PCNP: variants seen among roughly 807,000 people sequenced by gnomAD.
PCNP encodes the protein PEST proteolytic signal containing nuclear protein.
A neutral mutation model predicts 21.8 loss-of-function variants in PCNP; 6 were observed. That is an observed-to-expected ratio of 0.28 (90% CI 0.15 to 0.54). The LOEUF (loss-of-function observed/expected upper bound fraction) is 0.54. Among genes scored for constraint, PCNP ranks in the 20% least tolerant of loss-of-function variants. The pLI is 0.95. For synonymous variants in PCNP, 67 were observed against 73.2 expected (o/e 0.92, Z 0.43); for missense variants, 161 against 215.5 (o/e 0.75, Z 1.58).
Position 101,579,779 on chromosome 3 carries a change from G to A in PCNP, c.65-11G>A, listed in dbSNP as rs773896839. 1.2e-5 allele frequency: 19 copies of A among 1,597,830 alleles called. No individual in the cohort carries two copies. In the East Asian group the frequency reaches 3.3e-4, roughly 28 times the overall value. ...ATAGCTCATCTTGGTAAGTTGTTTCGACTTCACCAGGACCTGAAGAAGAAG... is the reference window on the plus strand; with the variant it reads ...ATAGCTCATCTTGGTAAGTTGTTTCAACTTCACCAGGACCTGAAGAAGAAG... On this transcript the variant is annotated splice_polypyrimidine_tract_variant and intron_variant, in intron 1 of 4. Transcript: ENST00000265260.
rs1256757631 is a variant in PCNP at position 101,592,925 on chromosome 3, T to C, written c.*172T>C. The C allele has an allele frequency of 8.8e-6, 4 of 456,004 alleles. No individual in the cohort carries two copies. The highest frequency in any genetic ancestry group is 1.5e-5 in the Non-Finnish European group (4 of 263,134). 28.2% of individuals were successfully genotyped at this position (456,004 alleles called of 1,614,324 possible). A position where few individuals can be genotyped will look rare whatever the true frequency, so the allele number is the denominator to read the frequency against. On this transcript the variant is annotated 3_prime_UTR_variant, in exon 5 of 5. Transcript: ENST00000265260. ...AGAGTTTGAAATTAGAGGTAATTTA[T>C]GTTTTATATACAGATTTCAAGACAT...
intron 1 of PCNP, among the ~76,000 whole-genome samples, chr3:101,576,280 G>A (rs1934878918): frequency 6.7e-6 from 1 of 150,104 alleles, no homozygotes; most frequent in Admixed American, 6.6e-5. Flanking sequence ...CTGTCGCCAG[G>A]CTGGAATGCA....
At chr3:101,585,156 A>T (rs1193210920) in intron 2 of PCNP, among the ~76,000 whole-genome samples, 1 of 152,224 alleles carries the variant, frequency 6.6e-6, no homozygotes, top group African/African-American at 2.4e-5. Context: ...TCTTGCCTGT[A>T]CCAAGTACCC....
intron 1 of PCNP, among the ~76,000 whole-genome samples, chr3:101,579,214 AATG>A (rs1288227854): frequency 5.7e-4 from 87 of 152,232 alleles, no homozygotes; most frequent in Middle Eastern, 3.4e-3. Context: ...CTCAAGAGGG[AATG>A]ACCTTGAAGT....
intron 3 of PCNP, among the ~76,000 whole-genome samples, chr3:101,588,194 C>T (rs1303999270): frequency 6.6e-6 from 1 of 152,138 alleles, no homozygotes; most frequent in East Asian, 1.9e-4. Flanking sequence ...TTGGTTGAAC[C>T]CGGGGGGTGG....
At chr3:101,590,988 A>C (rs1399956304) in intron 4 of PCNP, among the ~76,000 whole-genome samples, 3 of 151,934 alleles carry the variant, frequency 2.0e-5, no homozygotes, top group Non-Finnish European at 4.4e-5. Context: ...TGTGTTGCCC[A>C]GGCTGGTCTC....
upstream of PCNP, chr3:101,574,147 A>G: frequency 6.6e-7 from 1 of 1,522,454 alleles, no homozygotes; most frequent in Non-Finnish European, 8.9e-7. Flanking sequence ...TGGCCCCAAA[A>G]ACTCGATGGT....
rs764151458 is a variant in PCNP at position 101,579,884 on chromosome 3, A to T, written c.159A>T (p.Ser53=). 53 of 1,614,056 alleles carry T rather than the reference A, an allele frequency of 3.3e-5. No individual in the cohort carries two copies. In the East Asian group the frequency reaches 4.9e-4, roughly 15 times the overall value. The change falls in exon 2 of 5, where the codon TCA becomes TCT. Residue 53 remains serine (S), a synonymous_variant. Transcript: ENST00000265260. ...ESSSRSAEKR[S]AEEEAADLPT... ...CCAGTCGCAGCGCTGAGAAGCGATC[A>T]GCTGAAGAAGAAGCTGCCGACCTCC...
At chr3:101,582,563 C>G (rs1221174503) in intron 2 of PCNP, among the ~76,000 whole-genome samples, 1 of 152,184 alleles carries the variant, frequency 6.6e-6, no homozygotes, top group Non-Finnish European at 1.5e-5. Context: ...AATCAGCCAA[C>G]AAATGCTTAT....
At chr3:101,576,458 A>G (rs528490799) in intron 1 of PCNP, 334 of 1,442,052 alleles carry the variant, frequency 2.3e-4, no homozygotes, top group Non-Finnish European at 3.0e-4. Flanking sequence ...TAGGTATATA[A>G]ACTATTTATT....
intron 2 of PCNP, among the ~76,000 whole-genome samples, chr3:101,581,937 T>C (rs1935246321): frequency 6.8e-6 from 1 of 147,338 alleles, no homozygotes; most frequent in Non-Finnish European, 1.5e-5. Context: ...ACAGGGCTTC[T>C]CCATGTTGGT....
At chr3:101,592,505 C>A in intron 4 of PCNP, 122 bp from the exon 5 acceptor site, 1 of 691,924 alleles carries the variant, frequency 1.4e-6, no homozygotes, top group Non-Finnish European at 2.4e-6. Flanking sequence ...CTCTGTAGGG[C>A]CTTCCAGTGT....
At chr3:101,586,830 G>A (rs1270747266) in intron 3 of PCNP, among the ~76,000 whole-genome samples, 1 of 152,104 alleles carries the variant, frequency 6.6e-6, no homozygotes, top group African/African-American at 2.4e-5. Context: ...GGGATTACAG[G>A]TGTGAGCCAC....
intron 3 of PCNP, chr3:101,589,613 T>C (rs1935706505): frequency 6.5e-6 from 1 of 152,710 alleles, no homozygotes; most frequent in South Asian, 2.1e-4. Flanking sequence ...GGTTTCACCA[T>C]GTTGGCCAGG....
chr3:101,577,083 C>T (rs959478264), intron 1 of PCNP: 1 of 671,654 alleles, frequency 1.5e-6, no homozygotes, highest in Non-Finnish European at 2.7e-6. Flanking sequence ...CCTCGGCCTC[C>T]CGAAGTGCTG....
In PCNP at chr3:101,579,968, G is replaced by A. The variant is rs757285774; in HGVS notation, c.243G>A (p.Lys81=). Reference sequence around the variant, plus strand: ...TTGCCATAGGTAGTCAGACGACAAAGAAAGCATCAGCCATATCCATCAAAC... The same window carrying A: ...TTGCCATAGGTAGTCAGACGACAAAAAAAGCATCAGCCATATCCATCAAAC... The part of the protein sequence containing the change: ...FGFAIGSQTT[K]KASAISIKLG... The change falls in exon 2 of 5, where the codon AAG becomes AAA. Residue 81 remains lysine (K), a synonymous_variant. Coordinates refer to ENST00000265260, the MANE Select transcript of PCNP (RefSeq NM_020357.3). 2 of 1,613,920 alleles carry A rather than the reference G, an allele frequency of 1.2e-6. No homozygotes were observed. The highest frequency in any genetic ancestry group is 1.7e-6 in the Non-Finnish European group (2 of 1,179,806).
At chr3:101,579,643 T>G (rs993139111) in intron 1 of PCNP, 147 bp from the exon 2 acceptor site, 3 of 725,126 alleles carry the variant, frequency 4.1e-6, no homozygotes, top group African/African-American at 3.5e-5. Flanking sequence ...TGCTGTATAC[T>G]CTAACAAACA....
At chr3:101,587,020 G>A (rs1172868539) in intron 3 of PCNP, among the ~76,000 whole-genome samples, 1 of 152,060 alleles carries the variant, frequency 6.6e-6, no homozygotes. Flanking sequence ...TTGGGAGGCC[G>A]AGGCGGGCGG....
intron 1 of PCNP, among the ~76,000 whole-genome samples, chr3:101,575,394 C>A (rs942381501): frequency 1.3e-4 from 19 of 151,752 alleles, no homozygotes; most frequent in African/African-American, 4.6e-4. Flanking sequence ...TTACTTTGGA[C>A]CCAGGATTTC....
Sources: allele counts gnomAD v4.1 joint callset (sites outside exome capture counted in the v4.1 genomes callset), GRCh38; gene constraint gnomAD v4.1.1; transcripts MANE v1.5; gene names NCBI Gene and HGNC (gene_info 2026-07-23, HGNC 2026-07-21).